The following CTNNA2 variants were observed in gnomAD, a reference collection of about 807,000 sequenced individuals.
CTNNA2 encodes the protein catenin alpha 2.
A neutral mutation model predicts 101.0 loss-of-function variants in CTNNA2; 42 were observed. The ratio of observed to expected loss-of-function variants is 0.42; its 90% CI spans 0.32 to 0.54. The LOEUF (loss-of-function observed/expected upper bound fraction) is 0.54. Among genes scored for constraint, CTNNA2 ranks in the 20% least tolerant of loss-of-function variants. The pLI is 0.14. For synonymous variants in CTNNA2, 450 were observed against 456.4 expected (o/e 0.99, Z 0.18); for missense variants, 871 against 1,223.1 (o/e 0.71, Z 4.29).
intron 1 of CTNNA2, among the ~76,000 whole-genome samples, chr2:79,553,839 C>G (rs1007873908): frequency 3.9e-5 from 6 of 152,124 alleles, no homozygotes; most frequent in African/African-American, 1.2e-4. Flanking sequence ...GGGTAAATAT[C>G]TTGGGGCTCA....
intron 9 of CTNNA2, among the ~76,000 whole-genome samples, chr2:80,448,509 C>G (rs995577705): frequency 6.6e-6 from 1 of 152,158 alleles, no homozygotes; most frequent in African/African-American, 2.4e-5. Flanking sequence ...TGAGGAACTT[C>G]AAAAACTCCA....
At chr2:79,725,029 C>G (rs1448289219) in intron 2 of CTNNA2, among the ~76,000 whole-genome samples, 1 of 151,954 alleles carries the variant, frequency 6.6e-6, no homozygotes, top group East Asian at 1.9e-4. Flanking sequence ...CCAGCACTCT[C>G]ATTGCATATG....
At chr2:79,725,407 G>A (rs1212743907) in intron 2 of CTNNA2, among the ~76,000 whole-genome samples, 1 of 152,166 alleles carries the variant, frequency 6.6e-6, no homozygotes, top group Non-Finnish European at 1.5e-5. Context: ...CAAATTGAGA[G>A]AAAGCATAGT....
intron 7 of CTNNA2, among the ~76,000 whole-genome samples, chr2:80,316,738 G>T (rs1266788401): frequency 6.6e-6 from 1 of 152,132 alleles, no homozygotes; most frequent in African/African-American, 2.4e-5. Context: ...AACTATATAT[G>T]CTTTGAGGTC....
intron 4 of CTNNA2, among the ~76,000 whole-genome samples, chr2:79,477,818 G>A (rs932975289): frequency 2.6e-5 from 4 of 152,342 alleles, no homozygotes; most frequent in South Asian, 2.1e-4. Context: ...TATGTAACCA[G>A]TATGCTAAAC....
At chr2:80,428,186 C>T (rs7605418) in intron 9 of CTNNA2, among the ~76,000 whole-genome samples, 18,926 of 151,786 alleles carry the variant, frequency 0.12, 1,933 homozygotes, top group East Asian at 0.54. Flanking sequence ...TGACTGGAGC[C>T]GAGAATGAGA....
At chr2:80,347,448 C>T (rs1474366433) in intron 7 of CTNNA2, among the ~76,000 whole-genome samples, 1 of 152,076 alleles carries the variant, frequency 6.6e-6, no homozygotes, top group African/African-American at 2.4e-5. Context: ...TATATATGTG[C>T]CCACGAATGT....
At chr2:79,300,832 T>A (rs1239816538) in intron 2 of CTNNA2, among the ~76,000 whole-genome samples, 1 of 152,182 alleles carries the variant, frequency 6.6e-6, no homozygotes, top group African/African-American at 2.4e-5. Context: ...GATATGTAAA[T>A]CTTATGTCAG....
chr2:80,554,954 G>A (rs1434487066), intron 11 of CTNNA2, among the ~76,000 whole-genome samples: 1 of 152,140 alleles, frequency 6.6e-6, no homozygotes, highest in East Asian at 1.9e-4. Context: ...TGCCATTAGA[G>A]AGTGAAGCCT....
intron 7 of CTNNA2, among the ~76,000 whole-genome samples, chr2:79,988,564 T>C (rs1691938478): frequency 6.6e-6 from 1 of 152,174 alleles, no homozygotes; most frequent in Non-Finnish European, 1.5e-5. Context: ...TCCACATCTA[T>C]ATTTTTATTT....
At chr2:80,587,633 T>C (rs1300479269) in intron 14 of CTNNA2, among the ~76,000 whole-genome samples, 1 of 152,194 alleles carries the variant, frequency 6.6e-6, no homozygotes, top group Non-Finnish European at 1.5e-5. Flanking sequence ...CTGATACCTC[T>C]ATTAGACCTT....
chr2:79,195,132 G>A (rs1673941914), intron 1 of CTNNA2, among the ~76,000 whole-genome samples: 1 of 152,056 alleles, frequency 6.6e-6, no homozygotes, highest in African/African-American at 2.4e-5. Flanking sequence ...CCATCTCTGC[G>A]TGACTATTGC....
chr2:80,182,119 G>A (rs1006986206), intron 7 of CTNNA2, among the ~76,000 whole-genome samples: 7 of 152,142 alleles, frequency 4.6e-5, no homozygotes, highest in Non-Finnish European at 8.8e-5. Flanking sequence ...TGCAAGCTGA[G>A]GAGCAAAGAA....
chr2:80,630,784 C>T (rs1265671575), intron 18 of CTNNA2, among the ~76,000 whole-genome samples: 2 of 151,742 alleles, frequency 1.3e-5, no homozygotes, highest in African/African-American at 4.9e-5. Flanking sequence ...TAAGGATCCC[C>T]TTGAGATTCA....
chr2:79,993,045 T>C (rs1692292319), intron 7 of CTNNA2, among the ~76,000 whole-genome samples: 1 of 151,760 alleles, frequency 6.6e-6, no homozygotes, highest in South Asian at 2.1e-4. Flanking sequence ...CCAAGAACCA[T>C]CAACAGGTGG....
intron 3 of CTNNA2, among the ~76,000 whole-genome samples, chr2:79,755,881 T>C (rs1466551502): frequency 1.3e-5 from 2 of 152,084 alleles, no homozygotes; most frequent in African/African-American, 4.8e-5. Flanking sequence ...ATGCATACAA[T>C]GACAAAAAGA....
At chr2:80,370,762 G>A (rs1480953797) in intron 7 of CTNNA2, among the ~76,000 whole-genome samples, 1 of 152,122 alleles carries the variant, frequency 6.6e-6, no homozygotes, top group African/African-American at 2.4e-5. Context: ...AAAGGTTAAA[G>A]AAATATCTTT....
chr2:80,315,492 C>T (rs938084335), intron 7 of CTNNA2, among the ~76,000 whole-genome samples: 2 of 152,084 alleles, frequency 1.3e-5, no homozygotes, highest in East Asian at 3.9e-4. Context: ...TTGGCTGGGA[C>T]TCAACTAACT....
chr2:79,587,926 A>ATT (rs1476912996), intron 1 of CTNNA2, among the ~76,000 whole-genome samples: 1 of 151,600 alleles, frequency 6.6e-6, no homozygotes, highest in Non-Finnish European at 1.5e-5. Flanking sequence ...TGTGGTCTTA[A>ATT]TTTTTTTTTA....
Sources: allele counts gnomAD v4.1 joint callset (sites outside exome capture counted in the v4.1 genomes callset), GRCh38; gene constraint gnomAD v4.1.1; transcripts MANE v1.5; gene names NCBI Gene and HGNC (gene_info 2026-07-23, HGNC 2026-07-21).